The following TGM5 variants were observed in gnomAD, a reference collection of about 807,000 sequenced individuals.
TGM5 encodes the protein protein-glutamine gamma-glutamyltransferase 5.
In TGM5, 69 loss-of-function variants were observed where a neutral mutation model predicts 77.2. That is an observed-to-expected ratio of 0.89 (90% confidence interval 0.74 to 1.09). The LOEUF (loss-of-function observed/expected upper bound fraction) is 1.09. TGM5 is among the 50% of genes least tolerant of loss of function. The pLI is 0.00. For synonymous variants in TGM5, 346 were observed against 351.8 expected (o/e 0.98, Z 0.18); for missense variants, 842 against 896.5 (o/e 0.94, Z 0.78).
Position 43,240,994 on chromosome 15 carries a change from C to T in TGM5, c.863-4G>A. 6.2e-7 allele frequency: 1 copy of T among 1,614,056 alleles called. No homozygotes were observed. Among genetic ancestry groups the T allele is most frequent in the South Asian group, 1.1e-5 (1 of 91,078 alleles). On this transcript the variant is annotated splice_region_variant and splice_polypyrimidine_tract_variant and intron_variant, in intron 6 of 12. Transcript: ENST00000220420. ...GGGATCCCCAGACACCTCATCACTG[C>T]AAAAAGGGCACAAAAAAATCACCTG...
chr15:43,262,520 C>T (rs2042796716), intron 1 of TGM5, among the ~76,000 whole-genome samples: 1 of 151,750 alleles, frequency 6.6e-6, no homozygotes, highest in African/African-American at 2.4e-5. Flanking sequence ...GGCGTGGTGG[C>T]TCACACCTAT....
At chr15:43,250,686 C>G (rs2042697761) in intron 6 of TGM5, among the ~76,000 whole-genome samples, 1 of 152,180 alleles carries the variant, frequency 6.6e-6, no homozygotes, top group Non-Finnish European at 1.5e-5. Flanking sequence ...CATCTTGTAT[C>G]CAAGAGCTCT....
intron 3 of TGM5, among the ~76,000 whole-genome samples, chr15:43,258,175 A>C (rs189837829): frequency 1.9e-3 from 292 of 152,120 alleles, no homozygotes; most frequent in African/African-American, 6.8e-3. Flanking sequence ...ACATGTATAC[A>C]TATGTAACAA....
rs761934099 is a variant in TGM5, at chr15:43,256,564, TCACCTGTCCATAGTTC to T, written c.543_555+3del. Reference sequence around the variant, plus strand: ...GATGGGCCATAAGCAGGGCTGAGACTCACCTGTCCATAGTTCCAGGGACATGGGCGGATCCAGTTCT... The same window carrying T: ...GATGGGCCATAAGCAGGGCTGAGACTCAGGGACATGGGCGGATCCAGTTCT... On this transcript the variant is annotated splice_donor_variant and splice_donor_region_variant and coding_sequence_variant and intron_variant, in exon 4 of 13. Transcript: ENST00000220420. LOFTEE classifies it high-confidence loss of function. 6.2e-6 allele frequency: 10 copies of T among 1,610,734 alleles called. No individual in the cohort carries two copies. The highest frequency in any genetic ancestry group is 1.3e-5 in the African/African-American group (1 of 74,830).
intron 11 of TGM5, 150 bp downstream of exon 11, chr15:43,234,619 G>T: frequency 1.0e-6 from 1 of 984,332 alleles, no homozygotes; most frequent in Non-Finnish European, 1.6e-6. Context: ...AGATCTCTCA[G>T]ACAAACTTCT....
intron 11 of TGM5, 53 bp from the exon 12 acceptor site, chr15:43,233,740 G>T (rs1360741396): frequency 4.4e-6 from 7 of 1,604,590 alleles, no homozygotes; most frequent in Non-Finnish European, 4.3e-6. Context: ...CAACTCACCA[G>T]ATATTTACGA....
chr15:43,240,870 T>G lies in TGM5; in HGVS notation c.983A>C (p.Lys328Thr), dbSNP rs775176556. The G allele has an allele frequency of 6.2e-7, 1 of 1,614,198 alleles. No homozygotes were observed. The highest frequency in any genetic ancestry group is 1.1e-5 in the South Asian group (1 of 91,086). Residue 328 changes from lysine to threonine, a missense_variant, in exon 7 of 13, where the codon AAG becomes ACG. This residue lies in a region of TGM5 where 815 missense variants were observed against 844.6 expected (regional missense o/e 0.96). Coordinates refer to ENST00000220420, the MANE Select transcript of TGM5 (RefSeq NM_201631.4). ...YDNTGRILGNKKKDTIWNFHV... is the reference protein window; with the variant it reads ...YDNTGRILGNTKKDTIWNFHV... ...TTCTCACCAGATAGTATCCTTCTTC[T>G]TATTCCCCAAAATCCTGCCTGTGTT... is the stretch of plus-strand genomic sequence containing the variant.
intron 7 of TGM5, chr15:43,239,629 A>T: frequency 5.8e-6 from 2 of 345,098 alleles, no homozygotes; most frequent in Non-Finnish European, 1.1e-5. Flanking sequence ...GACCTTGATC[A>T]TACCACTGTG....
At chr15:43,260,639 C>G (rs759765949) in intron 1 of TGM5, 60 bp from the exon 2 acceptor site, 4 of 1,581,354 alleles carry the variant, frequency 2.5e-6, no homozygotes, top group South Asian at 1.1e-5. Context: ...ATCCTGTCCA[C>G]CACTTACTAG....
chr15:43,252,741 G>T lies in TGM5; in HGVS notation c.862+18C>A, dbSNP rs376456564. On this transcript the variant is annotated intron_variant, in intron 6 of 12. Coordinates refer to ENST00000220420, the MANE Select transcript of TGM5 (RefSeq NM_201631.4). The stretch of plus-strand genomic sequence containing the variant: ...GCTATACTTCTGACCTTTTTGTGGG[G>T]TCCTTTCTACCTCCTACCTGTGCAC... The T allele has an allele frequency of 1.9e-6, 3 of 1,612,778 alleles. No homozygotes were observed. The African/African-American group carries it at 4.0e-5, about 22-fold the overall frequency.
At chr15:43,261,175 C>T (rs531523988) in intron 1 of TGM5, among the ~76,000 whole-genome samples, 4 of 149,868 alleles carry the variant, frequency 2.7e-5, no homozygotes, top group South Asian at 4.2e-4. Context: ...CTGCAAGCTC[C>T]GCCTCCCGGG....
In TGM5 at chr15:43,234,857, A is replaced by G. The variant is rs1370291138; in HGVS notation, c.1787T>C (p.Ile596Thr). ...QYLSTDKLIRISALGEEKSSP... is the reference protein window; with the variant it reads ...QYLSTDKLIRTSALGEEKSSP... The stretch of plus-strand genomic sequence containing the variant: ...GCTTTTCTCTTCACCCAGGGCACTG[A>G]TGCGGATCAGCTTGTCTGTTGACAG... The change falls in exon 11 of 13, where the codon ATC becomes ACC. Residue 596 changes from isoleucine (I) to threonine (T), a missense_variant. By Grantham distance (89) the Ile-to-Thr change is moderately conservative. Around this residue, in one of 2 missense-constraint regions of TGM5, gnomAD observed 815 missense variants for 844.6 expected, o/e 0.96. Transcript: ENST00000220420. 6.2e-7 allele frequency: 1 copy of G among 1,614,106 alleles called. No individual in the cohort carries two copies. The highest frequency in any genetic ancestry group is 1.7e-5 in the Admixed American group (1 of 60,012).
chr15:43,262,338 T>A (rs1459094579), intron 1 of TGM5, among the ~76,000 whole-genome samples: 1 of 152,236 alleles, frequency 6.6e-6, no homozygotes, highest in Non-Finnish European at 1.5e-5. Flanking sequence ...CTTAGCTACT[T>A]TTTTGTCTGT....
chr15:43,237,258 C>A (rs1479488344), intron 9 of TGM5, among the ~76,000 whole-genome samples: 1 of 152,210 alleles, frequency 6.6e-6, no homozygotes, highest in African/African-American at 2.4e-5. Context: ...CAAATTGCAG[C>A]CCCTGCAACT....
rs1016424851 is a variant in TGM5, at chr15:43,266,919, G to A, written c.-70C>T. ...GGCGGTCTGGAGCTTCAGCAAACTG[G>A]TGCCAGAGTGTCTACTTCCCCTTCC... On this transcript the variant is annotated 5_prime_UTR_variant, in exon 1 of 13. Transcript: ENST00000220420. 1.9e-6 allele frequency: 3 copies of A among 1,601,186 alleles called. No individual in the cohort carries two copies. The highest frequency in any genetic ancestry group is 2.7e-5 in the African/African-American group (2 of 74,704).
intron 6 of TGM5, among the ~76,000 whole-genome samples, chr15:43,245,689 A>G: frequency 6.6e-6 from 1 of 152,334 alleles, no homozygotes; most frequent in Non-Finnish European, 1.5e-5. Flanking sequence ...CTGTTACTCA[A>G]GAAGTACAAA....
intron 6 of TGM5, among the ~76,000 whole-genome samples, chr15:43,252,258 C>A (rs956570184): frequency 7.2e-5 from 11 of 152,214 alleles, no homozygotes; most frequent in African/African-American, 2.2e-4. Flanking sequence ...CACTTCGGAA[C>A]CATGGTCTGA....
intron 9 of TGM5, 150 bp downstream of exon 9, chr15:43,238,667 T>C: frequency 8.1e-7 from 1 of 1,236,430 alleles, no homozygotes; most frequent in Non-Finnish European, 1.1e-6. Context: ...GAAGTGAGGC[T>C]GTGAGGCCAC....
intron 3 of TGM5, among the ~76,000 whole-genome samples, chr15:43,257,832 T>A (rs2042753256): frequency 6.6e-6 from 1 of 152,200 alleles, no homozygotes; most frequent in South Asian, 2.1e-4. Flanking sequence ...CCAACCCAAA[T>A]GTCCATCAAT....
Sources: gnomAD v4.1 joint callset for allele counts (sites outside exome capture counted in the v4.1 genomes callset) on GRCh38, gnomAD v4.1.1 for gene constraint, gnomAD v4.1.1 regional missense constraint, MANE v1.5 for transcripts, NCBI Gene and HGNC (gene_info 2026-07-23, HGNC 2026-07-21) for gene names.